Variants in SLC12A1 observed in about 807,000 individuals in gnomAD.
SLC12A1 encodes solute carrier family 12 member 1.
A neutral mutation model predicts 130.4 loss-of-function variants in SLC12A1; 89 were observed. The ratio of observed to expected loss-of-function variants is 0.68; its 90% CI spans 0.58 to 0.81. The LOEUF (loss-of-function observed/expected upper bound fraction) is 0.81. Among genes scored for constraint, SLC12A1 ranks in the 40% least tolerant of loss-of-function variants. SLC12A1 has a pLI of 0.00. For missense variants in SLC12A1, 1,310 were observed against 1,336.4 expected, an observed-to-expected ratio of 0.98 and a Z score of 0.31; for synonymous variants, 499 against 460.0, an observed-to-expected ratio of 1.08 and a Z score of -1.09.
chr15:48,251,804 A>C (rs768711409), intron 15 of SLC12A1, 34 bp downstream of exon 15: 79 of 1,596,642 alleles, frequency 4.9e-5, no homozygotes, highest in Non-Finnish European at 5.9e-5. Flanking sequence ...AGCGTTTCCA[A>C]ATCTCTCTCT....
chr15:48,289,163 C>A (rs1003478255), intron 23 of SLC12A1, among the ~76,000 whole-genome samples: 1 of 151,102 alleles, frequency 6.6e-6, no homozygotes, highest in Non-Finnish European at 1.5e-5. Context: ...AGAGTTGATG[C>A]CAGTTGTGAG....
At position 48,267,453 on chromosome 15, in the gene SLC12A1, A is replaced by G. The variant is rs991521782; in HGVS notation, c.2155-108A>G. The G allele has an allele frequency of 1.3e-5, 16 of 1,245,964 alleles. No individual in the cohort carries two copies. The East Asian group carries it at 2.0e-4, about 15-fold the overall frequency. The allele number at this position is 1,245,964 out of a possible 1,614,324, so 77.2% of individuals were successfully genotyped here. A position where few individuals can be genotyped will look rare whatever the true frequency, so the allele number is the denominator to read the frequency against. ...AGTGAGGTGTTTTTCCCTCTTTCCC[A>G]TTTCTTAACTCAATGGGGCATTGCT... On this transcript the variant is annotated intron_variant, in intron 17 of 26. Transcript: ENST00000380993.
chr15:48,209,278 G>A (rs994385594), intron 2 of SLC12A1, among the ~76,000 whole-genome samples: 69 of 152,200 alleles, frequency 4.5e-4, no homozygotes, highest in African/African-American at 1.6e-3. Context: ...TGTTGGTCAG[G>A]CTGGTCTTGA....
intron 20 of SLC12A1, among the ~76,000 whole-genome samples, chr15:48,278,813 T>C (rs2041982585): frequency 6.6e-6 from 1 of 152,190 alleles, no homozygotes; most frequent in East Asian, 1.9e-4. Context: ...GTGATGTAGC[T>C]GAAAAGCATT....
intron 19 of SLC12A1, among the ~76,000 whole-genome samples, chr15:48,270,775 TATATATATATAC>T (rs2041887756): frequency 1.6e-5 from 1 of 63,880 alleles, no homozygotes; most frequent in African/African-American, 9.8e-5. Context: ...TATATATATA[TATATATATATAC>T]ACACACACAC....
At chr15:48,221,216 G>A in intron 4 of SLC12A1, 1 of 665,794 alleles carries the variant, frequency 1.5e-6, no homozygotes, top group Non-Finnish European at 2.7e-6. Flanking sequence ...ACAGGTGAAT[G>A]CTCAAGGAGA....
At chr15:48,221,272 A>T in intron 4 of SLC12A1, 1 of 699,214 alleles carries the variant, frequency 1.4e-6, no homozygotes, top group East Asian at 2.7e-5. Context: ...ATATAATAGC[A>T]TGTTAATTTT....
chr15:48,275,460 T>C (rs1297323627), intron 20 of SLC12A1, among the ~76,000 whole-genome samples: 1 of 152,144 alleles, frequency 6.6e-6, no homozygotes, highest in Non-Finnish European at 1.5e-5. Context: ...GATCAATTAT[T>C]AGCATTATAA....
chr15:48,253,463 C>T (rs2141067230), intron 15 of SLC12A1, among the ~76,000 whole-genome samples: 1 of 152,356 alleles, frequency 6.6e-6, no homozygotes, highest in South Asian at 2.1e-4. Flanking sequence ...GAGAAGACTT[C>T]CTTTCACTTA....
rs554710461 is a variant in SLC12A1, at chr15:48,226,904, G to A, written c.724+333G>A. ...TTCCAGATTTGGCTTCTGTTTTAAC[G>A]TTTAGTACATTTCAGGTGCTTCCTA... On this transcript the variant is annotated intron_variant, in intron 5 of 26. Coordinates refer to ENST00000380993, the MANE Select transcript of SLC12A1 (RefSeq NM_000338.3). 71 of 606,608 alleles carry A rather than the reference G, an allele frequency of 1.2e-4. 1 individual carries two copies. The highest frequency in any genetic ancestry group is 6.5e-4 in the African/African-American group (35 of 53,974). The allele number at this position is 606,608 out of a possible 1,614,324, so 37.6% of individuals were successfully genotyped here. A position where few individuals can be genotyped will look rare whatever the true frequency, so the allele number is the denominator to read the frequency against.
intron 10 of SLC12A1, among the ~76,000 whole-genome samples, chr15:48,243,222 G>C (rs906512744): frequency 4.6e-5 from 7 of 152,000 alleles, no homozygotes; most frequent in African/African-American, 1.2e-4. Context: ...ATGCAAACAG[G>C]TAAAATATGA....
At chr15:48,252,780 A>G (rs1156264724) in intron 15 of SLC12A1, among the ~76,000 whole-genome samples, 10 of 152,168 alleles carry the variant, frequency 6.6e-5, no homozygotes, top group Non-Finnish European at 1.5e-4. Flanking sequence ...AAGGTGAAGC[A>G]TGAATGACAT....
intron 2 of SLC12A1, among the ~76,000 whole-genome samples, chr15:48,209,335 G>A (rs1252670580): frequency 7.2e-5 from 11 of 152,168 alleles, no homozygotes; most frequent in African/African-American, 2.2e-4. Flanking sequence ...CCAAAGTGCT[G>A]GGATTACAGG....
chr15:48,296,437 AT>A lies in SLC12A1; in HGVS notation c.2961-2701del, dbSNP rs1389929792. Among the ~76,000 whole-genome samples, 6 of 152,324 alleles carry A rather than the reference AT, an allele frequency of 3.9e-5. No homozygotes were observed. The South Asian group carries it at 1.0e-3, about 26-fold the overall frequency. ...CTCTTGTGCTTAAATTCTATTTTTT[AT>A]TGTATAGACTGAATTAAAAGTCATA... On this transcript the variant is annotated intron_variant, in intron 24 of 26. Coordinates refer to ENST00000380993, the MANE Select transcript of SLC12A1 (RefSeq NM_000338.3).
At chr15:48,301,150 T>C (rs2042227632) in intron 25 of SLC12A1, among the ~76,000 whole-genome samples, 165 bp from the exon 26 acceptor site, 2 of 152,258 alleles carry the variant, frequency 1.3e-5, no homozygotes, top group African/African-American at 2.4e-5. Context: ...CTAAAATTTC[T>C]CATGAGGTTT....
chr15:48,293,057 A>C (rs1220272332), intron 24 of SLC12A1, among the ~76,000 whole-genome samples: 1 of 152,086 alleles, frequency 6.6e-6, no homozygotes, highest in Non-Finnish European at 1.5e-5. Context: ...CTGGGACCAC[A>C]AGCACATGCC....
At chr15:48,270,912 A>C (rs1393363284) in intron 19 of SLC12A1, among the ~76,000 whole-genome samples, 2 of 149,782 alleles carry the variant, frequency 1.3e-5, no homozygotes, top group East Asian at 3.9e-4. Flanking sequence ...ACACATACAG[A>C]GAGAAACACT....
At chr15:48,269,620 C>T (rs766417195) in intron 18 of SLC12A1, 38 bp from the exon 19 acceptor site, 20 of 1,078,652 alleles carry the variant, frequency 1.9e-5, no homozygotes, top group East Asian at 1.2e-4. Context: ...TTTCCCAGTA[C>T]GGTAAGGATT....
chr15:48,269,595 C>T, intron 18 of SLC12A1, 63 bp from the exon 19 acceptor site: 1 of 827,574 alleles, frequency 1.2e-6, no homozygotes, highest in South Asian at 1.5e-5. Flanking sequence ...CATTATTTTT[C>T]ATTTGTGATG....
Sources: gnomAD v4.1 joint callset for allele counts (sites outside exome capture counted in the v4.1 genomes callset) on GRCh38, gnomAD v4.1.1 for gene constraint, MANE v1.5 for transcripts, NCBI Gene and HGNC (gene_info 2026-07-23, HGNC 2026-07-21) for gene names.